ABLIM3: variants seen among roughly 807,000 people sequenced by gnomAD.
The protein encoded by ABLIM3 is actin-binding LIM protein 3.
ABLIM3 carries 61 observed loss-of-function variants against 109.5 expected under a neutral mutation model. The ratio of observed to expected loss-of-function variants is 0.56; its 90% confidence interval spans 0.45 to 0.69. The LOEUF (loss-of-function observed/expected upper bound fraction) is 0.69. Ranked by LOEUF, ABLIM3 falls within the 30% of genes least tolerant of loss-of-function variation. The pLI is 0.00. For missense variants in ABLIM3, 796 were observed against 889.5 expected, an observed-to-expected ratio of 0.89 and a Z score of 1.34; for synonymous variants, 300 against 324.8, an observed-to-expected ratio of 0.92 and a Z score of 0.82.
chr5:149,259,744 G>A lies in ABLIM3; in HGVS notation c.*1340G>A, dbSNP rs1754747423. The A allele has an allele frequency of 1.3e-6, 1 of 745,094 alleles. No homozygotes were observed. The highest frequency in any genetic ancestry group is 1.8e-5 in the South Asian group (1 of 54,754). The allele number at this position is 745,094 out of a possible 1,614,324, so 46.2% of individuals were successfully genotyped here. On this transcript the variant is annotated 3_prime_UTR_variant, in exon 24 of 24. Transcript: ENST00000309868. The stretch of plus-strand genomic sequence containing the variant: ...TGTTTGGTGGGGGCTGTTCCTTCTT[G>A]GAGAAGCCTTGAGTCGGACCATTTT...
At chr5:149,250,365 G>T in intron 19 of ABLIM3, 82 bp from the exon 20 acceptor site, 4 of 1,417,128 alleles carry the variant, frequency 2.8e-6, no homozygotes, top group Non-Finnish European at 3.0e-6. Flanking sequence ...GAGCAGTGTT[G>T]GCCATTGGTA....
intron 6 of ABLIM3, among the ~76,000 whole-genome samples, chr5:149,208,390 T>TCTCTCTCTCTCTCTCTC (rs1759224519): frequency 8.2e-6 from 1 of 121,490 alleles, no homozygotes; most frequent in African/African-American, 3.4e-5. Flanking sequence ...CTCTCTCAAT[T>TCTCTCTCTCTCTCTCTC]TCTCTTTCTC....
intron 5 of ABLIM3, among the ~76,000 whole-genome samples, chr5:149,203,578 A>C (rs1377124067): frequency 6.6e-6 from 1 of 151,778 alleles, no homozygotes; most frequent in Non-Finnish European, 1.5e-5. Flanking sequence ...ATTATGAACA[A>C]CACCACCATC....
intron 20 of ABLIM3, 77 bp downstream of exon 20, chr5:149,250,582 G>T (rs1753827558): frequency 1.3e-6 from 2 of 1,547,660 alleles, no homozygotes; most frequent in Non-Finnish European, 1.8e-6. Flanking sequence ...CTTATTGTAA[G>T]GTGAAACCTG....
chr5:149,215,847 T>C (rs1276014079), intron 7 of ABLIM3, among the ~76,000 whole-genome samples: 2 of 152,170 alleles, frequency 1.3e-5, no homozygotes, highest in South Asian at 2.1e-4. Context: ...GGTGTTAGAA[T>C]TGTGACTCCA....
chr5:149,159,137 A>G (rs1179401847), intron 2 of ABLIM3, among the ~76,000 whole-genome samples: 1 of 152,254 alleles, frequency 6.6e-6, no homozygotes, highest in Non-Finnish European at 1.5e-5. Context: ...ATGTTTATAT[A>G]TAGACAAATG....
At chr5:149,238,216 G>A (rs1037812553) in intron 11 of ABLIM3, among the ~76,000 whole-genome samples, 2 of 152,162 alleles carry the variant, frequency 1.3e-5, no homozygotes, top group African/African-American at 4.8e-5. Context: ...TGGCAGCAGG[G>A]TTGGGGGCAG....
rs1416852518 is a variant in ABLIM3, at chr5:149,244,563, G to A, written c.1352-318G>A. On this transcript the variant is annotated intron_variant, in intron 15 of 23. Coordinates refer to ENST00000309868, the MANE Select transcript of ABLIM3 (RefSeq NM_014945.5). Reference sequence around the variant, plus strand: ...AGCCACACCCTTAGAGGTCATTCTGGAACAGACCTGGGAATCCATGGAATG... The same window carrying A: ...AGCCACACCCTTAGAGGTCATTCTGAAACAGACCTGGGAATCCATGGAATG... The A allele has an allele frequency of 8.6e-5, 31 of 362,176 alleles. No individual in the cohort carries two copies. The South Asian group carries it at 9.3e-4, about 11-fold the overall frequency. The allele number at this position is 362,176 out of a possible 1,614,324, so 22.4% of individuals were successfully genotyped here.
chr5:149,244,616 T>TG, intron 15 of ABLIM3: 1 of 481,574 alleles, frequency 2.1e-6, no homozygotes, highest in South Asian at 2.5e-5. Flanking sequence ...GGCTGGGATC[T>TG]GGTCCAGTTC....
chr5:149,190,537 G>A (rs58590293), intron 3 of ABLIM3, among the ~76,000 whole-genome samples: 7,575 of 151,960 alleles, frequency 0.05, 575 homozygotes, highest in African/African-American at 0.17. Flanking sequence ...AAAATTAGCC[G>A]GGCATGGTGG....
chr5:149,247,720 C>T (rs983272588), intron 17 of ABLIM3, 62 bp from the exon 18 acceptor site: 139 of 1,609,044 alleles, frequency 8.6e-5, no homozygotes, highest in Non-Finnish European at 2.9e-5. Flanking sequence ...TGCCCAAGCC[C>T]GTTCCATCTC....
rs1430995437 is a variant in ABLIM3 at position 149,210,722 on chromosome 5, G to T, written c.576-4G>T. 1.2e-6 allele frequency: 2 copies of T among 1,613,602 alleles called. No individual in the cohort carries two copies. The highest frequency in any genetic ancestry group is 1.7e-6 in the Non-Finnish European group (2 of 1,179,684). ...CCTCATCCTATGTGAACTTCTTCTT[G>T]CAGGGATGGTGTTCCATACTGTGAG... On this transcript the variant is annotated splice_polypyrimidine_tract_variant and splice_region_variant and intron_variant, in intron 6 of 23. Transcript: ENST00000309868.
chr5:149,249,416 A>G (rs1218808740), intron 18 of ABLIM3, among the ~76,000 whole-genome samples: 1 of 152,226 alleles, frequency 6.6e-6, no homozygotes, highest in East Asian at 1.9e-4. Flanking sequence ...AGATTGTCTG[A>G]AGTTAGAAAT....
chr5:149,172,246 TA>T (rs1461059590), intron 2 of ABLIM3, among the ~76,000 whole-genome samples: 1 of 152,050 alleles, frequency 6.6e-6, no homozygotes, highest in Non-Finnish European at 1.5e-5. Context: ...CAGAATGGAA[TA>T]AAAAAAGAAA....
intron 23 of ABLIM3, among the ~76,000 whole-genome samples, chr5:149,256,857 C>A (rs1236828844): frequency 6.6e-6 from 1 of 152,146 alleles, no homozygotes. Flanking sequence ...AATAGACTTA[C>A]TTATGAATTT....
chr5:149,173,794 G>T (rs1755662937), intron 2 of ABLIM3, among the ~76,000 whole-genome samples: 1 of 152,112 alleles, frequency 6.6e-6, no homozygotes, highest in Non-Finnish European at 1.5e-5. Flanking sequence ...GGCCGAGGCG[G>T]GTGGATCACG....
At chr5:149,211,291 C>T (rs1759532439) in intron 7 of ABLIM3, among the ~76,000 whole-genome samples, 2 of 152,116 alleles carry the variant, frequency 1.3e-5, no homozygotes, top group African/African-American at 4.8e-5. Context: ...ATGGCAACGC[C>T]TCTCCCCAGC....
chr5:149,223,787 G>C (rs1473322137), intron 8 of ABLIM3, among the ~76,000 whole-genome samples: 1 of 152,208 alleles, frequency 6.6e-6, no homozygotes, highest in East Asian at 1.9e-4. Flanking sequence ...GGGAGACAGA[G>C]ACGGACAAGC....
At chr5:149,223,067 C>T (rs1760818327) in intron 8 of ABLIM3, among the ~76,000 whole-genome samples, 1 of 152,030 alleles carries the variant, frequency 6.6e-6, no homozygotes, top group South Asian at 2.1e-4. Context: ...AAGTCTGACT[C>T]TACTAAGCAT....
Sources: gnomAD v4.1 joint callset for allele counts (sites outside exome capture counted in the v4.1 genomes callset) on GRCh38, gnomAD v4.1.1 for gene constraint, MANE v1.5 for transcripts, NCBI Gene and HGNC (gene_info 2026-07-23, HGNC 2026-07-21) for gene names.